The following USP8 variants were observed in gnomAD, a reference collection of about 807,000 sequenced individuals.
USP8 encodes the protein ubiquitin specific peptidase 8, also known as ubiquitin carboxyl-terminal hydrolase 8.
Under a neutral mutation model 130.0 loss-of-function variants are expected in USP8, and 27 were observed. The observed-to-expected ratio is 0.21, with a 90% CI of 0.15 to 0.29. The LOEUF is 0.29. Ranked by LOEUF, USP8 falls within the 10% of genes least tolerant of loss-of-function variation. The pLI, the probability that USP8 is intolerant of heterozygous loss-of-function variation, is 1.00. For synonymous variants in USP8, 392 were observed against 444.1 expected (o/e 0.88, Z 1.48); for missense variants, 1,029 against 1,312.2 (o/e 0.78, Z 3.33).
At chr15:50,489,945 T>G in intron 13 of USP8, 64 bp downstream of exon 13, 1 of 1,337,722 alleles carries the variant, frequency 7.5e-7, no homozygotes, top group Non-Finnish European at 1.0e-6. Flanking sequence ...ATTTGTTTAT[T>G]TTACATCTTC....
In USP8 at chr15:50,424,425, C is replaced by T. The variant is rs2049624168; in HGVS notation, c.-155C>T. The T allele has an allele frequency of 2.5e-6, 1 of 398,702 alleles. No homozygotes were observed. Among genetic ancestry groups the T allele is most frequent in the Middle Eastern group, 6.3e-4 (1 of 1,588 alleles). The allele number at this position is 398,702 out of a possible 1,614,324, so 24.7% of individuals were successfully genotyped here. Reference sequence around the variant, plus strand: ...GGGGTGAGCTGGGCTGGCTTCCGTCCTGGTAGCCAAGGCTAATTCTCCCTC... The same window carrying T: ...GGGGTGAGCTGGGCTGGCTTCCGTCTTGGTAGCCAAGGCTAATTCTCCCTC... On this transcript the variant is annotated 5_prime_UTR_variant, in exon 1 of 20. Coordinates refer to ENST00000307179, the MANE Select transcript of USP8 (RefSeq NM_005154.5).
At chr15:50,496,734 T>C (rs2052428487) in intron 17 of USP8, among the ~76,000 whole-genome samples, 1 of 152,174 alleles carries the variant, frequency 6.6e-6, no homozygotes, top group African/African-American at 2.4e-5. Flanking sequence ...CAAATAAATA[T>C]CCTGTTTTCC....
intron 10 of USP8, among the ~76,000 whole-genome samples, chr15:50,480,731 G>T (rs1027767627): frequency 6.6e-6 from 1 of 152,080 alleles, no homozygotes; most frequent in Non-Finnish European, 1.5e-5. Context: ...CTATGGTAAA[G>T]ATTTTAGGTG....
chr15:50,449,859 G>A (rs902779544), intron 4 of USP8, among the ~76,000 whole-genome samples: 4 of 147,870 alleles, frequency 2.7e-5, no homozygotes, highest in Admixed American at 6.8e-5. Context: ...GGGATTACAG[G>A]TGTGGGCCAC....
At position 50,447,122 on chromosome 15, in the gene USP8, T is replaced by C. The variant is rs189412966; in HGVS notation, c.250-2278T>C. Among the ~76,000 whole-genome samples the C allele has an allele frequency of 6.4e-3, 969 of 152,340 alleles. 13 individuals are homozygous for C. The highest frequency in any genetic ancestry group is 0.022 in the African/African-American group (933 of 41,574). ...GCTCAGGTCCAGTTTTTCTAAGTTA[T>C]TTATAATAATATTTGTAAATGTCTG... On this transcript the variant is annotated intron_variant, in intron 3 of 19. Coordinates refer to ENST00000307179, the MANE Select transcript of USP8 (RefSeq NM_005154.5).
At chr15:50,461,495 G>GT in intron 5 of USP8, among the ~76,000 whole-genome samples, 1 of 140,566 alleles carries the variant, frequency 7.1e-6, no homozygotes, top group Admixed American at 7.1e-5. Flanking sequence ...TGGGTCCTTT[G>GT]TTTCCCCATG....
At chr15:50,432,797 A>T (rs2049972989) in intron 1 of USP8, among the ~76,000 whole-genome samples, 1 of 152,158 alleles carries the variant, frequency 6.6e-6, no homozygotes, top group South Asian at 2.1e-4. Context: ...AATGCTGATC[A>T]TGACCTTCTA....
rs112980906 is a variant in USP8 at position 50,489,323 on chromosome 15, G to A, written c.1891-478G>A. 3.7e-3 allele frequency among the ~76,000 whole-genome samples: 570 copies of A among 152,136 alleles called. 5 individuals carry two copies. Among genetic ancestry groups the A allele is most frequent in the African/African-American group, 0.013 (535 of 41,480 alleles). ...TATTCATTTGCTAGGATACTATAAC[G>A]TCTATTCTCTACTTACACCTCTTAG... On this transcript the variant is annotated intron_variant, in intron 12 of 19. Coordinates refer to ENST00000307179, the MANE Select transcript of USP8 (RefSeq NM_005154.5).
In USP8 at chr15:50,482,033, A is replaced by T. The variant is rs1414069418; in HGVS notation, c.1771A>T (p.Thr591Ser). ...AAAGTCAACAGGAGATGTGCCCCAT[A>T]CATCTGTGACAGGGGATTCAGGTTC... ...QKKSTGDVPH[T>S]SVTGDSGSGK... Residue 591 changes from threonine (T) to serine (S), a missense_variant, in exon 11 of 20, where the codon ACA (threonine) becomes TCA (serine). By Grantham distance (58) the Thr-to-Ser change is moderately conservative. Around this residue, in one of 4 missense-constraint regions of USP8, gnomAD observed 486 missense variants for 522.0 expected, o/e 0.93. Coordinates refer to ENST00000307179, the MANE Select transcript of USP8 (RefSeq NM_005154.5). The T allele has an allele frequency of 6.5e-7, 1 of 1,528,582 alleles. No individual in the cohort carries two copies. Among genetic ancestry groups the T allele is most frequent in the African/African-American group, 1.4e-5 (1 of 70,544 alleles). 94.7% of individuals were successfully genotyped at this position (1,528,582 alleles called of 1,614,324 possible). A position where few individuals can be genotyped will look rare whatever the true frequency, so the allele number is the denominator to read the frequency against.
In USP8 at chr15:50,458,978, CTT is replaced by C; in HGVS notation, c.336-21_336-20del. The C allele has an allele frequency of 1.2e-6, 2 of 1,611,012 alleles. No homozygotes were observed. Among genetic ancestry groups the C allele is most frequent in the Non-Finnish European group, 1.7e-6 (2 of 1,179,584 alleles). On this transcript the variant is annotated intron_variant, in intron 4 of 19. Coordinates refer to ENST00000307179, the MANE Select transcript of USP8 (RefSeq NM_005154.5). ...ACGATTAACGCCAATAAAAGACAAT[CTT>C]GACTTATTTTTTCAACTAGATATGA...
At position 50,481,771 on chromosome 15, in the gene USP8, C is replaced by T. The variant is rs1036570518; in HGVS notation, c.1509C>T (p.Ala503=). ...GGAAGGAAGAACAAGAACAAAAAGC[C>T]AAAAAGAAACAAGAAGCTGAAGAAA... ...KLRKEEQEQK[A]KKKQEAEENE... Residue 503 remains alanine, a synonymous_variant, in exon 11 of 20, where the codon GCC becomes GCT. Transcript: ENST00000307179. 1.9e-6 allele frequency: 3 copies of T among 1,559,414 alleles called. No homozygotes were observed. The Admixed American group carries it at 6.2e-5, about 32-fold the overall frequency.
chr15:50,437,487 G>A (rs1032350823), intron 1 of USP8, among the ~76,000 whole-genome samples: 1 of 152,206 alleles, frequency 6.6e-6, no homozygotes, highest in Non-Finnish European at 1.5e-5. Context: ...GGCAGAAGAT[G>A]ATGAGGTGAG....
rs181321457 is a variant in USP8, at chr15:50,458,707, A to G, written c.336-293A>G. The G allele has an allele frequency of 2.2e-4, 53 of 240,116 alleles. No homozygotes were observed. The Admixed American group carries it at 2.4e-3, about 11-fold the overall frequency. 14.9% of individuals were successfully genotyped at this position (240,116 alleles called of 1,614,324 possible). ...ATTAGGATTTTTCCTTTGAAAAGCA[A>G]ATTGCAGCAGATTTGAATCAATATA... On this transcript the variant is annotated intron_variant, in intron 4 of 19. Transcript: ENST00000307179.
chr15:50,426,215 T>C (rs187534795), intron 1 of USP8, among the ~76,000 whole-genome samples: 1 of 152,306 alleles, frequency 6.6e-6, no homozygotes, highest in African/African-American at 2.4e-5. Context: ...TACATTAAAT[T>C]TTTTTCATAA....
At chr15:50,480,590 G>A (rs999630290) in intron 10 of USP8, among the ~76,000 whole-genome samples, 1 of 152,074 alleles carries the variant, frequency 6.6e-6, no homozygotes, top group Non-Finnish European at 1.5e-5. Context: ...TAGATGAACA[G>A]CTGATAGACC....
chr15:50,471,144 G>A (rs532015214), intron 7 of USP8, among the ~76,000 whole-genome samples: 1 of 152,284 alleles, frequency 6.6e-6, no homozygotes, highest in East Asian at 1.9e-4. Context: ...GACTCAATGA[G>A]TTCAATGAGA....
At chr15:50,483,449 T>G (rs1385263700) in intron 11 of USP8, among the ~76,000 whole-genome samples, 1 of 152,178 alleles carries the variant, frequency 6.6e-6, no homozygotes, top group East Asian at 1.9e-4. Flanking sequence ...TTTTAAAAAG[T>G]TTTTAGTAGA....
chr15:50,453,452 C>A (rs1326656187), intron 4 of USP8, among the ~76,000 whole-genome samples: 1 of 152,152 alleles, frequency 6.6e-6, no homozygotes, highest in African/African-American at 2.4e-5. Flanking sequence ...TGGGATTCTT[C>A]TTATATCTTA....
At chr15:50,441,303 C>A (rs780145237) in intron 2 of USP8, 46 bp from the exon 3 acceptor site, 14 of 1,522,836 alleles carry the variant, frequency 9.2e-6, no homozygotes, top group Non-Finnish European at 8.8e-6. Flanking sequence ...TGTATTTTTT[C>A]CCAGATGTCA....
Sources: gnomAD v4.1 joint callset for allele counts (sites outside exome capture counted in the v4.1 genomes callset) on GRCh38, gnomAD v4.1.1 for gene constraint, gnomAD v4.1.1 regional missense constraint, MANE v1.5 for transcripts, NCBI Gene and HGNC (gene_info 2026-07-23, HGNC 2026-07-21) for gene names.